The following XIRP2 variants were observed in gnomAD, a reference collection of about 807,000 sequenced individuals.
The protein encoded by XIRP2 is xin actin-binding repeat-containing protein 2.
XIRP2 carries 236 observed loss-of-function variants against 277.0 expected under a neutral mutation model. That is an observed-to-expected ratio of 0.85 (90% confidence interval 0.77 to 0.95). XIRP2 has a LOEUF of 0.95. Among genes scored for constraint, XIRP2 ranks in the 40% least tolerant of loss-of-function variants. The pLI is 0.00. For missense variants in XIRP2, 4,640 were observed against 4,157.5 expected (o/e 1.12, Z -3.19); for synonymous variants, 1,490 against 1,416.5 (o/e 1.05, Z -1.17).
chr2:166,941,007 C>T (rs768836129), intron 2 of XIRP2, among the ~76,000 whole-genome samples: 28 of 152,156 alleles, frequency 1.8e-4, no homozygotes, highest in East Asian at 1.2e-3. Flanking sequence ...GCAGAGGTTT[C>T]GCTGCCTTTT....
intron 2 of XIRP2, among the ~76,000 whole-genome samples, chr2:167,054,205 G>A (rs900146433): frequency 6.6e-6 from 1 of 152,142 alleles, no homozygotes; most frequent in African/African-American, 2.4e-5. Flanking sequence ...AATGCACATT[G>A]AACTATCCTT....
intron 2 of XIRP2, among the ~76,000 whole-genome samples, chr2:166,970,198 T>C (rs1240982463): frequency 2.0e-5 from 3 of 151,948 alleles, no homozygotes; most frequent in African/African-American, 7.2e-5. Context: ...TACCCTTACT[T>C]TTTGATAACT....
At chr2:166,918,130 G>A (rs936016027) in intron 2 of XIRP2, among the ~76,000 whole-genome samples, 4 of 152,172 alleles carry the variant, frequency 2.6e-5, no homozygotes, top group African/African-American at 9.6e-5. Context: ...GATTACTGGT[G>A]ATACTGTGTG....
intron 5 of XIRP2, among the ~76,000 whole-genome samples, chr2:167,235,399 A>C (rs1434666836): frequency 6.6e-6 from 1 of 151,942 alleles, no homozygotes; most frequent in Non-Finnish European, 1.5e-5. Context: ...TGGAATCTCA[A>C]TTTTGAAAGC....
chr2:167,231,625 C>A (rs1694757876), intron 5 of XIRP2, among the ~76,000 whole-genome samples: 1 of 151,684 alleles, frequency 6.6e-6, no homozygotes, highest in Admixed American at 6.6e-5. Context: ...GAGGTCGAAC[C>A]AGCCACCACT....
chr2:167,250,840 T>A lies in XIRP2; in HGVS notation c.9448T>A (p.Tyr3150Asn). 1 of 1,613,496 alleles carries A rather than the reference T, an allele frequency of 6.2e-7. No homozygotes were observed. The highest frequency in any genetic ancestry group is 8.5e-7 in the Non-Finnish European group (1 of 1,179,696). ...TTCTCAGTCCCCTAAAAAGGACAGT[T>A]ATGTTGAACCCCCACCAAGAAGGCC... ...ELSQSPKKDS[Y>N]VEPPPRRPMS... Residue 3150 changes from tyrosine to asparagine, a missense_variant, in exon 9 of 11, where the codon TAT becomes AAT. By Grantham distance (143) the Tyr-to-Asn change is moderately radical. Transcript: ENST00000409195.
chr2:167,190,597 A>G (rs1291184108), intron 3 of XIRP2, among the ~76,000 whole-genome samples: 2 of 152,224 alleles, frequency 1.3e-5, no homozygotes, highest in East Asian at 1.9e-4. Context: ...TTTCCTAGTC[A>G]TTGGAATCCA....
At chr2:166,941,396 G>T (rs1024552416) in intron 2 of XIRP2, among the ~76,000 whole-genome samples, 13 of 152,210 alleles carry the variant, frequency 8.5e-5, no homozygotes, top group Admixed American at 7.2e-4. Context: ...CACTTCCCAG[G>T]TAAGGCGATG....
At chr2:167,133,456 G>T (rs774998711) in intron 2 of XIRP2, among the ~76,000 whole-genome samples, 31 of 152,074 alleles carry the variant, frequency 2.0e-4, no homozygotes, top group Non-Finnish European at 3.4e-4. Context: ...TACTGCCTCC[G>T]TACAAGATGC....
Position 167,187,685 on chromosome 2 carries a change from A to G in XIRP2, c.563-23050A>G, listed in dbSNP as rs760673337. ...TTTTGCTTCTATGATAATATTTAGC[A>G]TTGATTTAATAGGATAAAATTTAGA... On this transcript the variant is annotated intron_variant, in intron 3 of 10. Transcript: ENST00000409195. 2.6e-5 allele frequency among the ~76,000 whole-genome samples: 4 copies of G among 152,192 alleles called. No homozygotes were observed. The South Asian group carries it at 6.2e-4, about 24-fold the overall frequency.
intron 2 of XIRP2, among the ~76,000 whole-genome samples, chr2:167,021,651 C>T (rs1687985440): frequency 1.3e-5 from 2 of 151,788 alleles, no homozygotes; most frequent in Non-Finnish European, 2.9e-5. Flanking sequence ...GAGTTCAAGA[C>T]CTAGTCTCTA....
At chr2:166,982,979 T>C (rs1046670472) in intron 2 of XIRP2, among the ~76,000 whole-genome samples, 1 of 152,222 alleles carries the variant, frequency 6.6e-6, no homozygotes, top group Non-Finnish European at 1.5e-5. Flanking sequence ...AATGCCAATA[T>C]ACTAGTGCTG....
chr2:167,234,240 G>A (rs546179550), intron 5 of XIRP2, among the ~76,000 whole-genome samples: 4 of 151,420 alleles, frequency 2.6e-5, no homozygotes, highest in African/African-American at 4.8e-5. Context: ...AAGCATAATC[G>A]TTTTGAGTCA....
At chr2:167,127,177 G>A (rs1056218556) in intron 2 of XIRP2, among the ~76,000 whole-genome samples, 4 of 152,088 alleles carry the variant, frequency 2.6e-5, no homozygotes, top group South Asian at 4.1e-4. Flanking sequence ...CTTCCTTGGT[G>A]TTCATGACTT....
At chr2:167,009,220 C>A (rs1283776795) in intron 2 of XIRP2, among the ~76,000 whole-genome samples, 1 of 114,932 alleles carries the variant, frequency 8.7e-6, no homozygotes, top group Non-Finnish European at 1.7e-5. Context: ...CCCCTCCCCC[C>A]ACCCCACAAC....
In XIRP2 at chr2:166,941,584, A is replaced by G. The variant is rs1226270404; in HGVS notation, c.408+37694A>G. 3.3e-5 allele frequency among the ~76,000 whole-genome samples: 5 copies of G among 152,158 alleles called. No individual in the cohort carries two copies. The East Asian group carries it at 5.8e-4, about 18-fold the overall frequency. ...AGCTGTTCCTAATTGGCCATCTTGG[A>G]ACCGCCCCTGCCAGCCTATCATTCT... On this transcript the variant is annotated intron_variant, in intron 2 of 10. Coordinates refer to ENST00000409195, the MANE Select transcript of XIRP2 (RefSeq NM_152381.6).
intron 3 of XIRP2, among the ~76,000 whole-genome samples, chr2:167,162,554 G>C (rs531932635): frequency 1.3e-5 from 2 of 152,094 alleles, no homozygotes; most frequent in Non-Finnish European, 2.9e-5. Flanking sequence ...CATGGGAAAG[G>C]CCTGCCCACA....
At chr2:167,007,697 TCTCTCTCACACA>T (rs1165305341) in intron 2 of XIRP2, among the ~76,000 whole-genome samples, 13 of 120,920 alleles carry the variant, frequency 1.1e-4, no homozygotes, top group Admixed American at 7.9e-4. Flanking sequence ...TCTCTCTCTC[TCTCTCTCACACA>T]CACACACACA....
chr2:166,928,022 AT>A (rs1025705984), intron 2 of XIRP2, among the ~76,000 whole-genome samples: 7 of 152,078 alleles, frequency 4.6e-5, no homozygotes, highest in Admixed American at 1.3e-4. Context: ...AAATATGTAA[AT>A]TTTTTTTCTC....
Sources: gnomAD v4.1 joint callset for allele counts (sites outside exome capture counted in the v4.1 genomes callset) on GRCh38, gnomAD v4.1.1 for gene constraint, MANE v1.5 for transcripts, NCBI Gene and HGNC (gene_info 2026-07-23, HGNC 2026-07-21) for gene names.